Variants in MYH7 observed in about 807,000 individuals in gnomAD.
The protein encoded by MYH7 is myosin heavy chain 7.
MYH7 carries 129 observed loss-of-function variants against 225.4 expected under a neutral mutation model. The ratio of observed to expected loss-of-function variants is 0.57; its 90% CI spans 0.50 to 0.66. The LOEUF is 0.66. Ranked by LOEUF, MYH7 falls within the 30% of genes least tolerant of loss-of-function variation. MYH7 has a pLI of 0.00. For synonymous variants in MYH7, 971 were observed against 1,007.6 expected (o/e 0.96, Z 0.69); for missense variants, 1,649 against 2,517.0 (o/e 0.66, Z 7.38).
Position 23,431,878 on chromosome 14 carries a change from A to G in MYH7, c.531-9T>C, listed in dbSNP as rs750878117. 2.5e-6 allele frequency: 4 copies of G among 1,613,648 alleles called. No individual in the cohort carries two copies. In the South Asian group the frequency reaches 3.3e-5, roughly 13 times the overall value. On this transcript the variant is annotated splice_polypyrimidine_tract_variant and intron_variant, in intron 6 of 39. Transcript: ENST00000355349. ...CTGCTCCGGATTCTCCGCTGTGAAGACAGGGGCTTATTGGGCAGTGAACAA... is the reference window on the plus strand; with the variant it reads ...CTGCTCCGGATTCTCCGCTGTGAAGGCAGGGGCTTATTGGGCAGTGAACAA...
intron 23 of MYH7, 66 bp from the exon 24 acceptor site, chr14:23,423,789 G>C: frequency 6.2e-7 from 1 of 1,613,124 alleles, no homozygotes; most frequent in Admixed American, 1.7e-5. Flanking sequence ...TCTGTGGGGA[G>C]CTCCATGTCA....
rs1231303625 is a variant in MYH7 at position 23,415,250 on chromosome 14, C to T, written c.5304G>A (p.Glu1768=). 1 of 1,614,280 alleles carries T rather than the reference C, an allele frequency of 6.2e-7. No homozygotes were observed. The highest frequency in any genetic ancestry group is 1.1e-5 in the South Asian group (1 of 91,090). ...CGCTGGTGTCCTGCTCCTTCTTCAGCTCCTCTGCCATCATGGCGGCCTGTG... is the reference window on the plus strand; with the variant it reads ...CGCTGGTGTCCTGCTCCTTCTTCAGTTCCTCTGCCATCATGGCGGCCTGTG... The part of the protein sequence containing the change: ...AITDAAMMAE[E]LKKEQDTSAH... The change falls in exon 37 of 40, where the codon GAG becomes GAA. Residue 1768 remains glutamate, a synonymous_variant. Transcript: ENST00000355349. This position sits in a 1 kb window ranked among gnomAD's most constrained non-coding sequence, Gnocchi z 6.3.
In MYH7 at chr14:23,415,889, A is replaced by G. The variant is rs1287993492; in HGVS notation, c.4954-57T>C. ...AGCCAGCCTCGGTTCCCTTCACTAA[A>G]GGCACCTGTCAGAGGTCCCTGCAGT... On this transcript the variant is annotated intron_variant, in intron 34 of 39. Coordinates refer to ENST00000355349, the MANE Select transcript of MYH7 (RefSeq NM_000257.4). This position sits in a 1 kb window ranked among gnomAD's most constrained non-coding sequence, Gnocchi z 6.3. 2 of 1,613,580 alleles carry G rather than the reference A, an allele frequency of 1.2e-6. No homozygotes were observed. Among genetic ancestry groups the G allele is most frequent in the Non-Finnish European group, 1.7e-6 (2 of 1,179,658 alleles).
At chr14:23,432,959 G>C in intron 4 of MYH7, 125 bp downstream of exon 4, 1 of 1,522,214 alleles carries the variant, frequency 6.6e-7, no homozygotes. Flanking sequence ...TTGAACCAAG[G>C]ATGTTGGGAC....
Position 23,425,305 on chromosome 14 carries a change from C to A in MYH7, c.2400G>T (p.Glu800Asp), listed in dbSNP as rs730880737. ...ACCTACGTTCCAGCAGCTTTTTGTA[C>A]TCCATTCTGGCGAGCACACCTCGGG... ...AQSRGVLARM[E>D]YKKLLERRDS... is the part of the protein sequence containing the mutation. The change falls in exon 21 of 40, where the codon GAG becomes GAT. Residue 800 changes from glutamate (E) to aspartate (D), a missense_variant. Transcript: ENST00000355349. The surrounding 1 kb of genome is among the most constrained non-coding windows in gnomAD (Gnocchi z 4.6). The A allele has an allele frequency of 5.0e-6, 8 of 1,614,190 alleles. No homozygotes were observed. The highest frequency in any genetic ancestry group is 5.9e-6 in the Non-Finnish European group (7 of 1,180,038).
chr14:23,414,026 T>C lies in MYH7; in HGVS notation c.5636A>G (p.Lys1879Arg). The change falls in exon 38 of 40, where the codon AAG becomes AGG. Residue 1879 changes from lysine (K) to arginine (R), a missense_variant. Physicochemically the swap from Lys to Arg is conservative, Grantham distance 26. Coordinates refer to ENST00000355349, the MANE Select transcript of MYH7 (RefSeq NM_000257.4). The part of the protein sequence containing the change: ...DKLQLKVKAY[K>R]RQAEEAEEQA... ...ACTCACCGCCTCCTCGGCCTGGCGC[T>C]TGTAGGCCTTGACCTTTAGCTGCAG... 2 of 1,614,156 alleles carry C rather than the reference T, an allele frequency of 1.2e-6. No homozygotes were observed. Among genetic ancestry groups the C allele is most frequent in the Non-Finnish European group, 1.7e-6 (2 of 1,180,024 alleles).
At chr14:23,435,312 ATCAG>A (rs1277087711) in intron 1 of MYH7, among the ~76,000 whole-genome samples, 31 of 151,950 alleles carry the variant, frequency 2.0e-4, no homozygotes, top group African/African-American at 7.3e-4. Context: ...ATATTTCTGT[ATCAG>A]TCAGTGAGGT....
rs144047238 is a variant in MYH7, at chr14:23,429,009, C to T, written c.1353G>A (p.Gln451=). The T allele has an allele frequency of 3.1e-6, 5 of 1,614,234 alleles. No individual in the cohort carries two copies. The highest frequency in any genetic ancestry group is 4.2e-6 in the Non-Finnish European group (5 of 1,180,044). ...GGACTCCTATGAAGTACTGGCGTGG[C>T]TGCTTGGTCTCCAGGGTGGCATTGA... ...TRINATLETK[Q]PRQYFIGVLD... The change falls in exon 14 of 40, where the codon CAG becomes CAA. Residue 451 remains glutamine (Q), a synonymous_variant. Transcript: ENST00000355349.
In MYH7 at chr14:23,415,570, C is replaced by A. The variant is rs962418187; in HGVS notation, c.5157+59G>T. 4.3e-6 allele frequency: 7 copies of A among 1,613,948 alleles called. No homozygotes were observed. The highest frequency in any genetic ancestry group is 5.9e-6 in the Non-Finnish European group (7 of 1,180,040). On this transcript the variant is annotated intron_variant, in intron 35 of 39. Coordinates refer to ENST00000355349, the MANE Select transcript of MYH7 (RefSeq NM_000257.4). This position sits in a 1 kb window ranked among gnomAD's most constrained non-coding sequence, Gnocchi z 6.3. ...TGAGCATCTATGCATAGCTCTCAAG[C>A]CTTGCTTGCTGAGCCCCAGCCTGTG...
chr14:23,416,851 C>T lies in MYH7; in HGVS notation c.4644+17G>A. Reference sequence around the variant, plus strand: ...GAGCTCAGCTCCCTGCACCCCGTGCCCTGCACACACACACACCTCGGCCTC... The same window carrying T: ...GAGCTCAGCTCCCTGCACCCCGTGCTCTGCACACACACACACCTCGGCCTC... On this transcript the variant is annotated intron_variant, in intron 33 of 39. Coordinates refer to ENST00000355349, the MANE Select transcript of MYH7 (RefSeq NM_000257.4). The T allele has an allele frequency of 6.2e-7, 1 of 1,614,064 alleles. No individual in the cohort carries two copies. The highest frequency in any genetic ancestry group is 1.7e-5 in the Admixed American group (1 of 60,030).
At position 23,433,435 on chromosome 14, in the gene MYH7, T is replaced by G; in HGVS notation, c.201+97A>C. On this transcript the variant is annotated intron_variant, in intron 3 of 39. Transcript: ENST00000355349. This position sits in a 1 kb window ranked among gnomAD's most constrained non-coding sequence, Gnocchi z 4.1. Reference sequence around the variant, plus strand: ...AAAGGGAAGGAGAATGGGACCATCCTCAGGTCTGCATGGGCATGGGGCATG... The same window carrying G: ...AAAGGGAAGGAGAATGGGACCATCCGCAGGTCTGCATGGGCATGGGGCATG... 1 of 1,487,072 alleles carries G rather than the reference T, an allele frequency of 6.7e-7. No homozygotes were observed. Among genetic ancestry groups the G allele is most frequent in the Non-Finnish European group, 9.3e-7 (1 of 1,074,020 alleles). The allele number at this position is 1,487,072 out of a possible 1,614,324, so 92.1% of individuals were successfully genotyped here. A position where few individuals can be genotyped will look rare whatever the true frequency, so the allele number is the denominator to read the frequency against.
chr14:23,413,658 T>C (rs1892060931), intron 39 of MYH7, 101 bp downstream of exon 39: 1 of 1,517,478 alleles, frequency 6.6e-7, no homozygotes, highest in African/African-American at 1.4e-5. Context: ...GTGGCTCAAG[T>C]GTGTGGAATA....
At chr14:23,422,558 ATTCTTTCTTTCTTTCCCT>A (rs1418465788) in intron 24 of MYH7, among the ~76,000 whole-genome samples, 4 of 148,074 alleles carry the variant, frequency 2.7e-5, no homozygotes, top group Non-Finnish European at 5.9e-5. Flanking sequence ...CCAAAGCCGT[ATTCTTTCTTTCTTTCCCT>A]TTCTTTCTTT....
At position 23,423,922 on chromosome 14, in the gene MYH7, G is replaced by A. The variant is rs142573531; in HGVS notation, c.2907C>T (p.His969=). 172 of 1,614,072 alleles carry A rather than the reference G, an allele frequency of 1.1e-4. No homozygotes were observed. In the African/African-American group the frequency reaches 1.4e-3, roughly 13 times the overall value. The change falls in exon 23 of 40, where the codon CAC becomes CAT. Residue 969 remains histidine, a synonymous_variant. Transcript: ENST00000355349. ...CTGCCCTTACCTTGTTCTCTGTTGCGTGTTTCTCCTTCTCCACTTTGGCCA... is the reference window on the plus strand; with the variant it reads ...CTGCCCTTACCTTGTTCTCTGTTGCATGTTTCTCCTTCTCCACTTTGGCCA... ...LTLAKVEKEK[H]ATENKVKNLT... is the part of the protein sequence containing the mutation.
At position 23,415,776 on chromosome 14, in the gene MYH7, G is replaced by A. The variant is rs768774626; in HGVS notation, c.5010C>T (p.Asn1670=). 4 of 1,614,106 alleles carry A rather than the reference G, an allele frequency of 2.5e-6. No individual in the cohort carries two copies. Among genetic ancestry groups the A allele is most frequent in the East Asian group, 2.2e-5 (1 of 44,886 alleles). ...TGTTGCGCCGCTCCACGATGGCGAT[G>A]TTCTCCTTCAGGTCGTCGTTGGCAC... ...AVRANDDLKE[N]IAIVERRNNL... The change falls in exon 35 of 40, where the codon AAC becomes AAT. Residue 1670 remains asparagine, a synonymous_variant. Coordinates refer to ENST00000355349, the MANE Select transcript of MYH7 (RefSeq NM_000257.4). The surrounding 1 kb of genome is among the most constrained non-coding windows in gnomAD (Gnocchi z 6.3).
At chr14:23,423,377 A>C (rs1892554766) in intron 24 of MYH7, among the ~76,000 whole-genome samples, 170 bp downstream of exon 24, 1 of 151,770 alleles carries the variant, frequency 6.6e-6, no homozygotes. Context: ...GCTCCTTTCT[A>C]GAAAGATATC....
At position 23,424,829 on chromosome 14, in the gene MYH7, C is replaced by T. The variant is rs771118861; in HGVS notation, c.2619G>A (p.Leu873=). 3 of 1,614,222 alleles carry T rather than the reference C, an allele frequency of 1.9e-6. No individual in the cohort carries two copies. Among genetic ancestry groups the T allele is most frequent in the African/African-American group, 1.3e-5 (1 of 75,060 alleles). Residue 873 remains leucine, a synonymous_variant, in exon 22 of 40, where the codon CTG becomes CTA. Transcript: ENST00000355349. ...LEKSEARRKE[L]EEKMVSLLQE... is the part of the protein sequence containing the mutation. ...GCAGCAGGGACACCATCTTCTCCTC[C>T]AGCTCCTTGCGGCGAGCCTCGGACT... is the stretch of plus-strand genomic sequence containing the variant.
chr14:23,414,851 G>C, intron 37 of MYH7, 144 bp downstream of exon 37: 3 of 1,400,442 alleles, frequency 2.1e-6, no homozygotes, highest in Middle Eastern at 3.6e-4. Flanking sequence ...ATTCAGAGTG[G>C]GGCAGGGCTA....
Position 23,417,240 on chromosome 14 carries a change from T to C in MYH7, c.4432A>G (p.Ser1478Gly), listed in dbSNP as rs1176486596. 1 of 1,614,086 alleles carries C rather than the reference T, an allele frequency of 6.2e-7. No individual in the cohort carries two copies. Among genetic ancestry groups the C allele is most frequent in the Non-Finnish European group, 8.5e-7 (1 of 1,180,038 alleles). The stretch of plus-strand genomic sequence containing the variant: ...TTCTTGAGTTTGAAGAGCTCTGTGC[T>C]GAGGGAGCGAGCCTCCTTCTGCGAG... ...ESSQKEARSL[S>G]TELFKLKNAY... The change falls in exon 32 of 40, where the codon AGC (serine) becomes GGC (glycine). Residue 1478 changes from serine to glycine, a missense_variant. Ser to Gly is a moderately conservative substitution (Grantham distance 56). Transcript: ENST00000355349.
Sources: allele counts gnomAD v4.1 joint callset (sites outside exome capture counted in the v4.1 genomes callset), GRCh38; gene constraint gnomAD v4.1.1; non-coding constraint Gnocchi (gnomAD v3.1); transcripts MANE v1.5; gene names NCBI Gene and HGNC (gene_info 2026-07-23, HGNC 2026-07-21).